The following ADGRV1 variants were observed in gnomAD, a reference collection of about 807,000 sequenced individuals.
ADGRV1 encodes the protein adhesion G protein-coupled receptor V1.
ADGRV1 carries 359 observed loss-of-function variants against 596.2 expected under a neutral mutation model. That is an observed-to-expected ratio of 0.60 (90% CI 0.55 to 0.66). ADGRV1 has a LOEUF of 0.66. ADGRV1 is among the 30% of genes least tolerant of loss of function. The probability of loss-of-function intolerance (pLI) is 0.00; values close to 1 mark genes in which losing one functional copy is unlikely to be tolerated. For missense variants in ADGRV1, 7,274 were observed against 7,575.6 expected, an observed-to-expected ratio of 0.96 and a Z score of 1.48; for synonymous variants, 2,681 against 2,679.2, an observed-to-expected ratio of 1.00 and a Z score of -0.02.
chr5:90,811,000 G>A lies in ADGRV1; in HGVS notation c.15740G>A (p.Arg5247Lys), dbSNP rs751832113. Residue 5247 changes from arginine (R) to lysine (K), a missense_variant, in exon 74 of 90, where the codon AGA becomes AAA. Physicochemically the swap from Arg to Lys is conservative, Grantham distance 26. Transcript: ENST00000405460. ...TFNTAEVLIR[R>K]TGGFTGNVSI... is the part of the protein sequence containing the mutation. ...AACACTGCAGAAGTTCTTATCCGAA[G>A]AACTGGTGGGTTTACTGGCAATGTC... The A allele has an allele frequency of 5.0e-6, 8 of 1,613,904 alleles. No homozygotes were observed. The highest frequency in any genetic ancestry group is 1.3e-5 in the African/African-American group (1 of 74,934).
chr5:90,741,800 A>G (rs1236050019), intron 50 of ADGRV1, among the ~76,000 whole-genome samples: 1 of 152,160 alleles, frequency 6.6e-6, no homozygotes, highest in Non-Finnish European at 1.5e-5. Flanking sequence ...CTTATTATAG[A>G]TCTCCTGAAA....
chr5:91,138,690 C>T (rs1794849695), intron 87 of ADGRV1, among the ~76,000 whole-genome samples: 1 of 151,830 alleles, frequency 6.6e-6, no homozygotes, highest in Non-Finnish European at 1.5e-5. Flanking sequence ...GCAAAAATTC[C>T]AAGAAGTATG....
chr5:90,707,606 A>AG (rs1358022284), intron 38 of ADGRV1, among the ~76,000 whole-genome samples: 1 of 152,218 alleles, frequency 6.6e-6, no homozygotes, highest in African/African-American at 2.4e-5. Context: ...ATATAACACA[A>AG]GATTTGATAA....
At chr5:90,683,181 C>T (rs957083654) in intron 27 of ADGRV1, among the ~76,000 whole-genome samples, 1 of 151,786 alleles carries the variant, frequency 6.6e-6, no homozygotes, top group African/African-American at 2.4e-5. Context: ...TAGTTTCATG[C>T]AACAATCGCC....
intron 87 of ADGRV1, among the ~76,000 whole-genome samples, chr5:91,122,555 A>G (rs1793416866): frequency 6.6e-6 from 1 of 152,148 alleles, no homozygotes; most frequent in Non-Finnish European, 1.5e-5. Context: ...TTTTTGGGAA[A>G]ATTATTTTGG....
At chr5:91,127,875 A>C (rs1349707215) in intron 87 of ADGRV1, among the ~76,000 whole-genome samples, 4 of 152,004 alleles carry the variant, frequency 2.6e-5, no homozygotes, top group Admixed American at 2.6e-4. Context: ...AAATAAAGTC[A>C]CTCTGCTTCT....
At position 90,635,113 on chromosome 5, in the gene ADGRV1, G is replaced by C; in HGVS notation, c.1840-1G>C. ...ACTTTTTGTGTATTTGTTTATTATAGTTGGAAACTGTGGAGTTGTTAAACA... is the reference window on the plus strand; with the variant it reads ...ACTTTTTGTGTATTTGTTTATTATACTTGGAAACTGTGGAGTTGTTAAACA... On this transcript the variant is annotated splice_acceptor_variant, in intron 9 of 89. Transcript: ENST00000405460. LOFTEE classifies it high-confidence loss of function. 2 of 1,572,270 alleles carry C rather than the reference G, an allele frequency of 1.3e-6. No homozygotes were observed. Among genetic ancestry groups the C allele is most frequent in the South Asian group, 2.3e-5 (2 of 88,514 alleles).
intron 67 of ADGRV1, among the ~76,000 whole-genome samples, chr5:90,786,952 T>A (rs1323006219): frequency 6.6e-6 from 1 of 151,414 alleles, no homozygotes; most frequent in East Asian, 1.9e-4. Flanking sequence ...CATGGGGAGG[T>A]GTTTGAACAC....
intron 72 of ADGRV1, among the ~76,000 whole-genome samples, chr5:90,806,995 G>A (rs1051885114): frequency 6.6e-6 from 1 of 151,932 alleles, no homozygotes; most frequent in Non-Finnish European, 1.5e-5. Flanking sequence ...TGGGATTATA[G>A]GCTCGCACCA....
Position 90,810,664 on chromosome 5 carries a change from T to G in ADGRV1, c.15404T>G (p.Ile5135Ser), listed in dbSNP as rs1246824622. ...LDNDDLAGMD[I>S]SFPETTVAVA... ...AATGATGACCTGGCAGGAATGGATA[T>G]TTCCTTCCCCGAGACAACTGTGGCT... The change falls in exon 74 of 90, where the codon ATT (isoleucine) becomes AGT (serine). Residue 5135 changes from isoleucine (I) to serine (S), a missense_variant. By Grantham distance (142) the Ile-to-Ser change is moderately radical. This residue lies in a region of ADGRV1 where 1,874 missense variants were observed against 1,970.2 expected (regional missense o/e 0.95). Transcript: ENST00000405460. 6.2e-7 allele frequency: 1 copy of G among 1,613,788 alleles called. No homozygotes were observed. Among genetic ancestry groups the G allele is most frequent in the Non-Finnish European group, 8.5e-7 (1 of 1,179,808 alleles).
intron 85 of ADGRV1, chr5:91,031,313 G>C (rs2151227973): frequency 7.1e-7 from 1 of 1,402,718 alleles, no homozygotes; most frequent in East Asian, 2.3e-5. Flanking sequence ...GTAAAATGCT[G>C]CTGCACTTGC....
chr5:91,015,469 T>A (rs1319328528), intron 85 of ADGRV1, among the ~76,000 whole-genome samples: 2 of 152,098 alleles, frequency 1.3e-5, no homozygotes, highest in East Asian at 3.9e-4. Context: ...TATCTAATAC[T>A]GTCAGTGGAA....
At chr5:90,722,245 A>T (rs1024573370) in intron 45 of ADGRV1, among the ~76,000 whole-genome samples, 1 of 152,022 alleles carries the variant, frequency 6.6e-6, no homozygotes, top group Non-Finnish European at 1.5e-5. Flanking sequence ...ACCAAAGATG[A>T]CTCAGGCTTC....
At position 90,623,220 on chromosome 5, in the gene ADGRV1, T is replaced by C. The variant is rs568113662; in HGVS notation, c.558+519T>C. Among the ~76,000 whole-genome samples, 27 of 152,336 alleles carry C rather than the reference T, an allele frequency of 1.8e-4. 1 individual carries two copies. The highest frequency in any genetic ancestry group is 1.3e-3 in the Admixed American group (20 of 15,308). On this transcript the variant is annotated intron_variant, in intron 5 of 89. Coordinates refer to ENST00000405460, the MANE Select transcript of ADGRV1 (RefSeq NM_032119.4). Reference sequence around the variant, plus strand: ...TTTTCCTTGCTGCTTGTGTATACAATGCTTACATGAAATACAAGTAACATT... The same window carrying C: ...TTTTCCTTGCTGCTTGTGTATACAACGCTTACATGAAATACAAGTAACATT...
chr5:90,947,404 T>G (rs956650101), intron 83 of ADGRV1, among the ~76,000 whole-genome samples: 1 of 152,174 alleles, frequency 6.6e-6, no homozygotes. Flanking sequence ...ACAGATAGAT[T>G]GCAAAAATTT....
At chr5:91,031,209 G>A in intron 85 of ADGRV1, 3 of 1,567,010 alleles carry the variant, frequency 1.9e-6, no homozygotes, top group East Asian at 2.2e-5. Context: ...ATTTCCAGGA[G>A]TGTGTCCATG....
At chr5:90,903,665 C>T (rs1454493342) in intron 83 of ADGRV1, among the ~76,000 whole-genome samples, 1 of 151,762 alleles carries the variant, frequency 6.6e-6, no homozygotes, top group Non-Finnish European at 1.5e-5. Context: ...TATGTATTTA[C>T]ACAGTACGTG....
chr5:90,689,932 T>C lies in ADGRV1; in HGVS notation c.6562T>C (p.Tyr2188His). ...EGETSKAVPIYVINDIYPELE... is the reference protein window; with the variant it reads ...EGETSKAVPIHVINDIYPELE... The stretch of plus-strand genomic sequence containing the variant: ...GGAAACCAGTAAAGCCGTGCCAATA[T>C]ATGTCATTAATGATATCTATCCTGA... Residue 2188 changes from tyrosine to histidine, a missense_variant, in exon 30 of 90, where the codon TAT (tyrosine) becomes CAT (histidine). Transcript: ENST00000405460. 6.2e-7 allele frequency: 1 copy of C among 1,612,966 alleles called. No individual in the cohort carries two copies.
At chr5:90,628,195 G>T (rs1044744554) in intron 7 of ADGRV1, among the ~76,000 whole-genome samples, 4 of 129,956 alleles carry the variant, frequency 3.1e-5, no homozygotes, top group African/African-American at 1.4e-4. Flanking sequence ...AGACCAGCCT[G>T]GGCAACAAAG....
Sources: gnomAD v4.1 joint callset for allele counts (sites outside exome capture counted in the v4.1 genomes callset) on GRCh38, gnomAD v4.1.1 for gene constraint, gnomAD v4.1.1 regional missense constraint, MANE v1.5 for transcripts, NCBI Gene and HGNC (gene_info 2026-07-23, HGNC 2026-07-21) for gene names.